The following ZC3H12B variants were observed in gnomAD, a reference collection of about 807,000 sequenced individuals.
The protein encoded by ZC3H12B is probable ribonuclease ZC3H12B.
A neutral mutation model predicts 43.9 loss-of-function variants in ZC3H12B; 7 were observed. The ratio of observed to expected loss-of-function variants is 0.16; its 90% CI spans 0.09 to 0.30. ZC3H12B has a LOEUF of 0.30. Ranked by LOEUF, ZC3H12B falls within the 10% of genes least tolerant of loss-of-function variation. The pLI is 1.00. For synonymous variants in ZC3H12B, 222 were observed against 241.7 expected (o/e 0.92, Z 0.76); for missense variants, 475 against 670.2 (o/e 0.71, Z 3.22).
At chrX:65,480,406 G>T (rs1207926613) in intron 3 of ZC3H12B, among the ~76,000 whole-genome samples, 3 of 112,342 alleles carry the variant, frequency 2.7e-5, no homozygotes, top group Non-Finnish European at 5.6e-5. Flanking sequence ...GATAATCAAT[G>T]ACTCACAAGA....
chrX:65,337,511 A>G, the ZC3H12B span, among the ~76,000 whole-genome samples: 2 of 112,565 alleles, frequency 1.8e-5, no homozygotes, highest in African/African-American at 3.2e-5. Flanking sequence ...AAGTAACTTC[A>G]AATGTTTCCA....
chrX:65,044,879 C>T, the ZC3H12B span, among the ~76,000 whole-genome samples: 1 of 108,478 alleles, frequency 9.2e-6, no homozygotes, highest in African/African-American at 3.4e-5. Context: ...CCTGTAATTC[C>T]AGCACTTTGG....
At chrX:65,443,457 G>A in intron 3 of ZC3H12B, among the ~76,000 whole-genome samples, 1 of 111,630 alleles carries the variant, frequency 9.0e-6, no homozygotes. Flanking sequence ...GGGAAATCAG[G>A]GGTCTCACAG....
At chrX:65,282,493 T>C in the ZC3H12B span, among the ~76,000 whole-genome samples, 1 of 111,420 alleles carries the variant, frequency 9.0e-6, no homozygotes, top group African/African-American at 3.3e-5. Flanking sequence ...AATTATTACT[T>C]TTTGAGACTC....
At chrX:65,311,922 C>T in the ZC3H12B span, among the ~76,000 whole-genome samples, 2 of 111,225 alleles carry the variant, frequency 1.8e-5, no homozygotes, top group African/African-American at 6.6e-5. Context: ...CATGTTCTCA[C>T]TCATAGGTGG....
chrX:65,162,685 T>G, the ZC3H12B span, among the ~76,000 whole-genome samples: 2 of 111,686 alleles, frequency 1.8e-5, no homozygotes, highest in Non-Finnish European at 3.8e-5. Context: ...TTTTTCAAAG[T>G]TTTTAACTTC....
chrX:65,284,641 A>C, the ZC3H12B span, among the ~76,000 whole-genome samples: 2 of 110,733 alleles, frequency 1.8e-5, no homozygotes, highest in Non-Finnish European at 3.8e-5. Context: ...TGTGCCTGTA[A>C]TCCCATCTAC....
At chrX:65,459,162 G>A (rs1666474640) in intron 3 of ZC3H12B, among the ~76,000 whole-genome samples, 1 of 111,920 alleles carries the variant, frequency 8.9e-6, no homozygotes, top group African/African-American at 3.3e-5. Context: ...AAACCAGGAA[G>A]AAGTTGAATC....
intron 2 of ZC3H12B, among the ~76,000 whole-genome samples, chrX:65,376,545 C>T (rs766530937): frequency 6.3e-5 from 7 of 111,711 alleles, no homozygotes; most frequent in East Asian, 2.8e-4. Flanking sequence ...TTAAGTCACA[C>T]GACACCTAGC....
intron 2 of ZC3H12B, among the ~76,000 whole-genome samples, chrX:65,386,844 T>C (rs1485450952): frequency 8.9e-6 from 1 of 111,855 alleles, no homozygotes; most frequent in Non-Finnish European, 1.9e-5. Flanking sequence ...TGGTATGTTG[T>C]GTCTTTGTTC....
intron 1 of ZC3H12B, among the ~76,000 whole-genome samples, chrX:65,367,473 A>G (rs905968439): frequency 1.8e-5 from 2 of 111,731 alleles, no homozygotes; most frequent in South Asian, 7.5e-4. Context: ...ATAAAGCTAC[A>G]TACCATTTTT....
chrX:65,119,735 G>T, the ZC3H12B span, among the ~76,000 whole-genome samples: 1 of 111,705 alleles, frequency 9.0e-6, no homozygotes, highest in African/African-American at 3.3e-5. Context: ...CCTATGTCCT[G>T]AATGGTATTG....
At chrX:65,163,103 C>T in the ZC3H12B span, among the ~76,000 whole-genome samples, 1 of 110,994 alleles carries the variant, frequency 9.0e-6, no homozygotes. Flanking sequence ...ACCGTGAATG[C>T]TGCTGTCTGA....
At chrX:65,468,261 TGTAA>T (rs1198747258) in intron 3 of ZC3H12B, among the ~76,000 whole-genome samples, 3 of 111,431 alleles carry the variant, frequency 2.7e-5, no homozygotes, top group Non-Finnish European at 5.6e-5. Context: ...ATCAGTTGGT[TGTAA>T]GTATTTGGCT....
At chrX:65,041,068 G>A in the ZC3H12B span, among the ~76,000 whole-genome samples, 6 of 112,657 alleles carry the variant, frequency 5.3e-5, no homozygotes, top group Non-Finnish European at 7.5e-5. Flanking sequence ...GTGAGCCATC[G>A]TGCCCAGCCA....
At chrX:65,251,667 T>C in the ZC3H12B span, among the ~76,000 whole-genome samples, 5 of 111,822 alleles carry the variant, frequency 4.5e-5, no homozygotes, top group Non-Finnish European at 9.4e-5. Context: ...CCCTTGTAAG[T>C]TGGATTCCTA....
At chrX:65,152,259 G>T in the ZC3H12B span, among the ~76,000 whole-genome samples, 1 of 111,467 alleles carries the variant, frequency 9.0e-6, no homozygotes, top group African/African-American at 3.3e-5. Flanking sequence ...AGGAAATAAA[G>T]GGTATTCAAC....
At chrX:65,441,800 C>T (rs1481080512) in intron 3 of ZC3H12B, among the ~76,000 whole-genome samples, 2 of 111,012 alleles carry the variant, frequency 1.8e-5, no homozygotes, top group East Asian at 2.9e-4. Flanking sequence ...AAGTCTACTG[C>T]GGCACTACCA....
chrX:65,129,735 T>C, the ZC3H12B span, among the ~76,000 whole-genome samples: 1 of 110,417 alleles, frequency 9.1e-6, no homozygotes, highest in Admixed American at 9.6e-5. Context: ...AAAATAGTGT[T>C]GAAGTGTTGG....
Sources: allele counts gnomAD v4.1 joint callset (sites outside exome capture counted in the v4.1 genomes callset), GRCh38; gene constraint gnomAD v4.1.1; transcripts MANE v1.5; gene names NCBI Gene and HGNC (gene_info 2026-07-23, HGNC 2026-07-21).